Variants in APP observed in about 807,000 individuals in gnomAD.
APP encodes amyloid beta precursor protein, also known as amyloid-beta precursor protein.
Under a neutral mutation model 101.4 loss-of-function variants are expected in APP, and 31 were observed. The ratio of observed to expected loss-of-function variants is 0.31; its 90% CI spans 0.23 to 0.41. APP has a LOEUF of 0.41. APP is among the 10% of genes least tolerant of loss of function. The probability of loss-of-function intolerance (pLI) is 1.00; values close to 1 mark genes in which losing one functional copy is unlikely to be tolerated. For missense variants in APP, 839 were observed against 1,003.7 expected, an observed-to-expected ratio of 0.84 and a Z score of 2.22; for synonymous variants, 366 against 364.4, an observed-to-expected ratio of 1.00 and a Z score of -0.05.
intron 3 of APP, among the ~76,000 whole-genome samples, chr21:26,078,224 C>G (rs1052016216): frequency 3.9e-5 from 6 of 152,042 alleles, no homozygotes; most frequent in African/African-American, 1.4e-4. Flanking sequence ...TTTCAGTATT[C>G]CCTTCATAAT....
chr21:25,881,697 G>A lies in APP; in HGVS notation c.2286C>T (p.Tyr762=), dbSNP rs139004544. 6 of 1,614,020 alleles carry A rather than the reference G, an allele frequency of 3.7e-6. No individual in the cohort carries two copies. The highest frequency in any genetic ancestry group is 1.7e-4 in the Middle Eastern group (1 of 5,992). ...MQQNGYENPT[Y]KFFEQMQN ...AGTTCTGCATCTGCTCAAAGAACTT[G>A]TAGGTTGGATTTTCGTAGCCGTTCT... The change falls in exon 18 of 18, where the codon TAC becomes TAT. Residue 762 remains tyrosine (Y), a synonymous_variant. Transcript: ENST00000346798.
chr21:25,921,243 A>G (rs938956142), intron 13 of APP, among the ~76,000 whole-genome samples: 1 of 114,928 alleles, frequency 8.7e-6, no homozygotes, highest in African/African-American at 3.6e-5. Flanking sequence ...GTAGAGGGAA[A>G]TTTATAGCAC....
intron 2 of APP, among the ~76,000 whole-genome samples, chr21:26,101,758 C>G (rs2062062628): frequency 6.6e-6 from 1 of 152,180 alleles, no homozygotes; most frequent in African/African-American, 2.4e-5. Flanking sequence ...GACCAGAAAG[C>G]ATTCATGCTA....
chr21:25,922,914 A>G (rs1369354774), intron 13 of APP, among the ~76,000 whole-genome samples: 2 of 138,002 alleles, frequency 1.4e-5, no homozygotes, highest in East Asian at 2.1e-4. Context: ...AAGAGCCCGC[A>G]TCGCCAAGTC....
At chr21:25,946,224 A>T (rs978484069) in intron 13 of APP, among the ~76,000 whole-genome samples, 2 of 152,238 alleles carry the variant, frequency 1.3e-5, no homozygotes, top group African/African-American at 4.8e-5. Flanking sequence ...CTGATAAAAT[A>T]GACTTCTAAA....
intron 3 of APP, among the ~76,000 whole-genome samples, chr21:26,055,787 A>T (rs926410220): frequency 9.9e-5 from 15 of 152,204 alleles, no homozygotes; most frequent in South Asian, 4.1e-4. Context: ...AGAGTTTAAA[A>T]AATCTAATGC....
intron 11 of APP, among the ~76,000 whole-genome samples, chr21:25,959,189 C>T (rs983285588): frequency 7.2e-5 from 11 of 152,362 alleles, no homozygotes; most frequent in African/African-American, 2.6e-4. Context: ...AATCCCAGCA[C>T]TTTGGGAGGC....
intron 11 of APP, among the ~76,000 whole-genome samples, chr21:25,969,825 C>T (rs551516518): frequency 2.0e-3 from 201 of 101,336 alleles, no homozygotes; most frequent in African/African-American, 8.4e-3. Flanking sequence ...GGTGAAAGAG[C>T]AAGACCCTGA....
At chr21:26,162,391 C>A (rs1601601478) in intron 1 of APP, among the ~76,000 whole-genome samples, 1 of 146,404 alleles carries the variant, frequency 6.8e-6, no homozygotes, top group Admixed American at 6.6e-5. Context: ...GTAGATATAA[C>A]AAGTCCTTTT....
chr21:26,002,401 T>C lies in APP; in HGVS notation c.866-2219A>G, dbSNP rs1298866561. ...TTGACATTGTGGATCCCATCAACTA[T>C]AGCCAGCAGTGGTCTCTGCTCCCAG... On this transcript the variant is annotated intron_variant, in intron 6 of 17. Coordinates refer to ENST00000346798, the MANE Select transcript of APP (RefSeq NM_000484.4). Among the ~76,000 whole-genome samples, 7 of 442 alleles carry C rather than the reference T, an allele frequency of 0.016. No individual in the cohort carries two copies. In the East Asian group the frequency reaches 0.2, roughly 13 times the overall value. The allele number at this position is 442 out of a possible 152,430, so 0.3% of individuals were successfully genotyped here.
intron 1 of APP, among the ~76,000 whole-genome samples, chr21:26,113,015 C>T (rs1250548804): frequency 6.6e-6 from 1 of 152,026 alleles, no homozygotes; most frequent in Non-Finnish European, 1.5e-5. Context: ...AATGGAAGTC[C>T]TGAAATATCT....
chr21:26,101,363 C>T (rs2062054599), intron 2 of APP, among the ~76,000 whole-genome samples: 1 of 152,250 alleles, frequency 6.6e-6, no homozygotes, highest in Middle Eastern at 3.4e-3. Context: ...TCCCAATGTG[C>T]TGGGATTACA....
At chr21:26,026,096 G>C (rs1312989838) in intron 5 of APP, among the ~76,000 whole-genome samples, 1 of 152,170 alleles carries the variant, frequency 6.6e-6, no homozygotes, top group Non-Finnish European at 1.5e-5. Context: ...TTAAGGAGTT[G>C]CAAGGGAGGA....
chr21:25,994,295 A>C (rs1368096546), intron 8 of APP, among the ~76,000 whole-genome samples: 1 of 152,212 alleles, frequency 6.6e-6, no homozygotes, highest in Non-Finnish European at 1.5e-5. Context: ...AAATTAACTC[A>C]GCTCTCGTAA....
chr21:26,131,137 G>A (rs1419085909), intron 1 of APP, among the ~76,000 whole-genome samples: 2 of 152,128 alleles, frequency 1.3e-5, no homozygotes, highest in South Asian at 2.1e-4. Context: ...GCTGAGGCAG[G>A]AGAATCGCTT....
intron 13 of APP, among the ~76,000 whole-genome samples, chr21:25,917,983 T>C (rs1224902382): frequency 6.6e-6 from 1 of 150,692 alleles, no homozygotes; most frequent in African/African-American, 2.4e-5. Flanking sequence ...CACAATGAGA[T>C]ACCATCTCAC....
intron 3 of APP, among the ~76,000 whole-genome samples, chr21:26,073,281 G>A (rs1464703502): frequency 2.0e-5 from 3 of 152,056 alleles, no homozygotes; most frequent in Non-Finnish European, 4.4e-5. Context: ...CGGGGAGGAC[G>A]GGGAAGGGAG....
At chr21:25,925,885 G>A (rs1375785451) in intron 13 of APP, among the ~76,000 whole-genome samples, 8 of 152,214 alleles carry the variant, frequency 5.3e-5, no homozygotes, top group African/African-American at 1.4e-4. Context: ...GCAGTGAGCC[G>A]AGATTGTGCC....
chr21:26,169,100 C>T (rs1601614910), intron 1 of APP: 1 of 152,180 alleles, frequency 6.6e-6, no homozygotes, highest in Admixed American at 6.5e-5. Flanking sequence ...CCTCCTCTGG[C>T]CCAACTGTCA....
Sources: gnomAD v4.1 joint callset for allele counts (sites outside exome capture counted in the v4.1 genomes callset) on GRCh38, gnomAD v4.1.1 for gene constraint, MANE v1.5 for transcripts, NCBI Gene and HGNC (gene_info 2026-07-23, HGNC 2026-07-21) for gene names.